Variants in ZNF91 observed in about 807,000 individuals in gnomAD.
ZNF91 encodes zinc finger protein 91, also known as zinc finger protein 91 (HPF7, HTF10).
In ZNF91, 7 loss-of-function variants were observed where a neutral mutation model predicts 12.6. That is an observed-to-expected ratio of 0.55 (90% CI 0.31 to 1.04). The LOEUF (loss-of-function observed/expected upper bound fraction) is 1.04, where lower values mean the gene tolerates loss of function less well. Ranked by LOEUF, ZNF91 falls within the 50% of genes least tolerant of loss-of-function variation. The probability of loss-of-function intolerance (pLI) is 0.05; values close to 1 mark genes in which losing one functional copy is unlikely to be tolerated. For missense variants in ZNF91, 1,217 were observed against 1,385.4 expected, an observed-to-expected ratio of 0.88 and a Z score of 1.93; for synonymous variants, 453 against 462.6, an observed-to-expected ratio of 0.98 and a Z score of 0.27.
chr19:23,349,381 C>T (rs564965638), intron 3 of ZNF91, among the ~76,000 whole-genome samples: 1 of 152,018 alleles, frequency 6.6e-6, no homozygotes, highest in Non-Finnish European at 1.5e-5. Flanking sequence ...TCAGACCAGC[C>T]GACACTTAGG....
chr19:23,336,885 TTTAACTCCTG>T (rs1423444955), downstream of ZNF91, among the ~76,000 whole-genome samples: 27 of 152,290 alleles, frequency 1.8e-4, no homozygotes, highest in Admixed American at 1.8e-3. Context: ...TTCTCCTGCT[TTTAACTCCTG>T]TATCAATAAT....
At chr19:23,395,021 G>T (rs115423207) in intron 1 of ZNF91, among the ~76,000 whole-genome samples, 5 of 152,122 alleles carry the variant, frequency 3.3e-5, no homozygotes, top group African/African-American at 4.8e-5. Context: ...CTCCCCTGAC[G>T]ACCCTCCCGT....
chr19:23,316,986 G>A lies in ZNF91; in HGVS notation n.117-7889C>T, dbSNP rs139025458. Among the ~76,000 whole-genome samples, 1,402 of 152,146 alleles carry A rather than the reference G, an allele frequency of 9.2e-3. 18 individuals are homozygous for A. The highest frequency in any genetic ancestry group is 0.032 in the African/African-American group (1,320 of 41,498). On this transcript the variant is annotated intron_variant and non_coding_transcript_variant, in intron 1 of 1. Transcript: ENST00000596528. Reference sequence around the variant, plus strand: ...AGCTGGAATTGTTTCCGTCAACACAGACCACAGCTGGAATTGTTTCCGTCA... The same window carrying A: ...AGCTGGAATTGTTTCCGTCAACACAAACCACAGCTGGAATTGTTTCCGTCA...
At chr19:23,342,783 T>C (rs1968151352) in intron 3 of ZNF91, among the ~76,000 whole-genome samples, 1 of 151,890 alleles carries the variant, frequency 6.6e-6, no homozygotes, top group African/African-American at 2.4e-5. Context: ...AGACCAGGTT[T>C]CTATAGTTCT....
Position 23,394,187 on chromosome 19 carries a change from C to T in ZNF91, c.30+1138G>A, listed in dbSNP as rs892898820. On this transcript the variant is annotated intron_variant, in intron 1 of 3. Coordinates refer to ENST00000300619, the MANE Select transcript of ZNF91 (RefSeq NM_003430.4). ...GATGAGGGGTGGACTTGAGGCCCTG[C>T]TTGAGACACATGTAAAAAATTCAGG... 1.2e-4 allele frequency among the ~76,000 whole-genome samples: 18 copies of T among 151,994 alleles called. 1 individual carries two copies. The highest frequency in any genetic ancestry group is 1.5e-5 in the Non-Finnish European group (1 of 67,998).
chr19:23,350,849 C>T (rs8104033), intron 3 of ZNF91, among the ~76,000 whole-genome samples: 28,593 of 151,960 alleles, frequency 0.19, 2,917 homozygotes, highest in Non-Finnish European at 0.21. Flanking sequence ...ACTATAAAAC[C>T]CCTGCCCTGT....
At chr19:23,310,805 G>A (rs188284722), upstream of ZNF91, among the ~76,000 whole-genome samples, 7 of 152,284 alleles carry the variant, frequency 4.6e-5, no homozygotes, top group East Asian at 1.4e-3. Context: ...TTCTGCCTTG[G>A]TGATGTCTAC....
At chr19:23,390,931 A>G (rs917492344) in intron 1 of ZNF91, among the ~76,000 whole-genome samples, 8 of 152,204 alleles carry the variant, frequency 5.3e-5, no homozygotes, top group Non-Finnish European at 7.3e-5. Context: ...AGTTGATTCC[A>G]TGTCTTTGCT....
In ZNF91 at chr19:23,368,225, G is replaced by A. The variant is rs141257762; in HGVS notation, c.254-5500C>T. Among the ~76,000 whole-genome samples the A allele has an allele frequency of 3.3e-4, 50 of 152,146 alleles. No individual in the cohort carries two copies. The East Asian group carries it at 7.4e-3, about 23-fold the overall frequency. The stretch of plus-strand genomic sequence containing the variant: ...ATTTTTAATCTCTTAAACACATAGA[G>A]GGGAGGCAGGGCACTGTGGCTCATG... On this transcript the variant is annotated intron_variant, in intron 3 of 3. Coordinates refer to ENST00000300619, the MANE Select transcript of ZNF91 (RefSeq NM_003430.4).
chr19:23,390,911 T>C (rs1970045455), intron 1 of ZNF91, among the ~76,000 whole-genome samples: 2 of 152,248 alleles, frequency 1.3e-5, no homozygotes, highest in African/African-American at 4.8e-5. Context: ...CTACCATTGA[T>C]AGGCATTCAA....
chr19:23,388,696 AC>A (rs1426583298), intron 1 of ZNF91, among the ~76,000 whole-genome samples: 1 of 152,156 alleles, frequency 6.6e-6, no homozygotes, highest in East Asian at 1.9e-4. Context: ...TTATGGTGAA[AC>A]GCCATCTCTA....
At chr19:23,372,640 T>G (rs1023400616) in intron 3 of ZNF91, among the ~76,000 whole-genome samples, 3 of 152,178 alleles carry the variant, frequency 2.0e-5, no homozygotes, top group Admixed American at 6.5e-5. Context: ...CCCAAACTCT[T>G]CCCAGCTACA....
At chr19:23,362,768 T>C in intron 3 of ZNF91, 43 bp from the exon 4 acceptor site, 2 of 1,378,404 alleles carry the variant, frequency 1.5e-6, no homozygotes, top group Non-Finnish European at 1.9e-6. Context: ...TCCACTCACC[T>C]AGACTCACAT....
intron 1 of ZNF91, among the ~76,000 whole-genome samples, chr19:23,331,147 G>A (rs1019332326): frequency 1.3e-5 from 2 of 152,094 alleles, no homozygotes; most frequent in African/African-American, 4.8e-5. Context: ...CAAGGCCCTG[G>A]TGTGTTACAT....
chr19:23,315,433 G>A (rs1203547931), upstream of ZNF91, among the ~76,000 whole-genome samples: 1 of 152,078 alleles, frequency 6.6e-6, no homozygotes, highest in Non-Finnish European at 1.5e-5. Context: ...CTTCTCTTTT[G>A]CTTGTGTCAG....
At chr19:23,335,644 C>T (rs934233329), downstream of ZNF91, among the ~76,000 whole-genome samples, 3 of 152,350 alleles carry the variant, frequency 2.0e-5, no homozygotes, top group Admixed American at 2.0e-4. Flanking sequence ...ATATAATCTC[C>T]TGGTGTGCCG....
intron 1 of ZNF91, chr19:23,384,465 T>C: frequency 2.2e-6 from 1 of 446,474 alleles, no homozygotes; most frequent in Non-Finnish European, 3.6e-6. Context: ...TTCAGAAACA[T>C]ATACCATCTG....
chr19:23,370,296 G>T (rs183672868), intron 3 of ZNF91, among the ~76,000 whole-genome samples: 1 of 151,744 alleles, frequency 6.6e-6, no homozygotes, highest in African/African-American at 2.4e-5. Flanking sequence ...AACTAGTAAC[G>T]AAACGATAAA....
At chr19:23,344,833 G>A (rs763019596) in intron 3 of ZNF91, among the ~76,000 whole-genome samples, 3 of 152,240 alleles carry the variant, frequency 2.0e-5, no homozygotes, top group Non-Finnish European at 4.4e-5. Context: ...GCGTCAGCAA[G>A]AGAGCGGAAG....
Sources: allele counts gnomAD v4.1 joint callset (sites outside exome capture counted in the v4.1 genomes callset), GRCh38; gene constraint gnomAD v4.1.1; transcripts MANE v1.5; gene names NCBI Gene and HGNC (gene_info 2026-07-23, HGNC 2026-07-21).